The following NCALD variants were observed in gnomAD, a reference collection of about 807,000 sequenced individuals.
NCALD encodes neurocalcin-delta.
In NCALD, 10 loss-of-function variants were observed where a neutral mutation model predicts 18.6. The observed-to-expected ratio is 0.54, with a 90% CI of 0.33 to 0.91. The LOEUF (loss-of-function observed/expected upper bound fraction) is 0.91, where lower values mean the gene tolerates loss of function less well. Ranked by LOEUF, NCALD falls within the 40% of genes least tolerant of loss-of-function variation. The pLI, the probability that NCALD is intolerant of heterozygous loss-of-function variation, is 0.03. For missense variants in NCALD, 184 were observed against 247.6 expected, an observed-to-expected ratio of 0.74 and a Z score of 1.72; for synonymous variants, 88 against 87.4, an observed-to-expected ratio of 1.01 and a Z score of -0.04.
intron 4 of NCALD, among the ~76,000 whole-genome samples, chr8:101,856,916 T>C (rs1032735608): frequency 6.6e-6 from 1 of 152,146 alleles, no homozygotes; most frequent in Non-Finnish European, 1.5e-5. Context: ...TACAGCCTTA[T>C]CTACTTTGAC....
chr8:101,782,056 G>A (rs952530218), intron 1 of NCALD, among the ~76,000 whole-genome samples: 3 of 110,474 alleles, frequency 2.7e-5, no homozygotes, highest in Non-Finnish European at 6.3e-5. Flanking sequence ...GTGTCTCAGG[G>A]GTTTCAGTAT....
chr8:102,035,381 T>C (rs535227371), intron 1 of NCALD, among the ~76,000 whole-genome samples: 7 of 152,342 alleles, frequency 4.6e-5, no homozygotes, highest in African/African-American at 1.4e-4. Context: ...TAAATGTTTT[T>C]ATGTTATTTT....
At chr8:102,009,030 A>C (rs1051844092) in intron 2 of NCALD, among the ~76,000 whole-genome samples, 12 of 152,108 alleles carry the variant, frequency 7.9e-5, no homozygotes, top group Middle Eastern at 3.4e-3. Flanking sequence ...CTAATTCAAA[A>C]AATAAAAAAG....
At chr8:101,868,015 T>C (rs1390610169) in intron 4 of NCALD, among the ~76,000 whole-genome samples, 1 of 152,234 alleles carries the variant, frequency 6.6e-6, no homozygotes, top group African/African-American at 2.4e-5. Flanking sequence ...AATAGGTTTT[T>C]AGTTTTGCTA....
At chr8:101,876,931 G>C (rs960846398) in intron 4 of NCALD, among the ~76,000 whole-genome samples, 2 of 152,120 alleles carry the variant, frequency 1.3e-5, no homozygotes, top group Non-Finnish European at 2.9e-5. Context: ...AAGCAAAAGT[G>C]GTTATCTTTT....
chr8:101,781,700 A>G (rs981348169), intron 1 of NCALD, among the ~76,000 whole-genome samples: 3 of 152,192 alleles, frequency 2.0e-5, no homozygotes, highest in African/African-American at 7.2e-5. Context: ...GTGTGCTACT[A>G]GAGTGAAATT....
intron 1 of NCALD, among the ~76,000 whole-genome samples, chr8:102,030,857 CAG>C: frequency 1.3e-5 from 2 of 151,302 alleles, no homozygotes; most frequent in Non-Finnish European, 2.9e-5. Context: ...GCCTGGGCAA[CAG>C]AGTGAGACTC....
chr8:101,983,933 G>A (rs913132467), intron 2 of NCALD, among the ~76,000 whole-genome samples: 8 of 152,224 alleles, frequency 5.3e-5, no homozygotes, highest in African/African-American at 1.9e-4. Flanking sequence ...TGGCTTCCCA[G>A]GGTGCTTTCG....
At chr8:101,987,677 C>T (rs555729274) in intron 2 of NCALD, among the ~76,000 whole-genome samples, 1 of 152,250 alleles carries the variant, frequency 6.6e-6, no homozygotes, top group East Asian at 1.9e-4. Context: ...TACTGCACAT[C>T]CATTTTACTA....
intron 3 of NCALD, chr8:101,690,158 C>T (rs1814656109): frequency 5.8e-6 from 5 of 857,444 alleles, no homozygotes; most frequent in African/African-American, 2.3e-5. Context: ...GGAGCACGTA[C>T]AGAATTCTCT....
rs1319104809 is a variant in NCALD, at chr8:101,687,400, A to G, written c.*1909T>C. On this transcript the variant is annotated 3_prime_UTR_variant, in exon 4 of 4. Transcript: ENST00000220931. ...AGATTTTAACACTTGGCCATGGAGG[A>G]ATTTGGCAAGTTTTGGTACAGAACC... 1.3e-5 allele frequency: 2 copies of G among 152,590 alleles called. No individual in the cohort carries two copies. Among genetic ancestry groups the G allele is most frequent in the Non-Finnish European group, 2.9e-5 (2 of 68,032 alleles). The allele number at this position is 152,590 out of a possible 1,614,324, so 9.5% of individuals were successfully genotyped here.
intron 4 of NCALD, among the ~76,000 whole-genome samples, chr8:101,801,779 GC>G (rs1586539639): frequency 6.9e-6 from 1 of 144,874 alleles, no homozygotes; most frequent in African/African-American, 2.5e-5. Context: ...CCATTCTCCT[GC>G]CTCAGCCTCC....
chr8:101,879,560 G>C (rs770084034), intron 4 of NCALD, among the ~76,000 whole-genome samples: 3 of 152,144 alleles, frequency 2.0e-5, no homozygotes, highest in Non-Finnish European at 2.9e-5. Context: ...AACCACCACT[G>C]TGTGGTGGGA....
rs3028654 is a variant in NCALD, at chr8:101,741,959, GAA to G, written c.-19-22313_-19-22312del. Among the ~76,000 whole-genome samples the G allele has an allele frequency of 1.4e-3, 170 of 121,732 alleles. 2 individuals are homozygous for G. Among genetic ancestry groups the G allele is most frequent in the African/African-American group, 4.9e-3 (158 of 32,036 alleles). 79.9% of individuals were successfully genotyped at this position (121,732 alleles called of 152,430 possible). ...CTCAAAAAAAAAAAAAAAAAGAAAA[GAA>G]AAAAAAAAAGGGCCGGGTGCGGTGG... On this transcript the variant is annotated intron_variant, in intron 1 of 3. Coordinates refer to ENST00000220931, the MANE Select transcript of NCALD (RefSeq NM_032041.3).
chr8:102,092,226 C>T (rs1458193761), intron 1 of NCALD, among the ~76,000 whole-genome samples: 1 of 152,224 alleles, frequency 6.6e-6, no homozygotes, highest in East Asian at 1.9e-4. Context: ...ATGGCAACAT[C>T]AGGAACTTAC....
At position 101,826,871 on chromosome 8, in the gene NCALD, T is replaced by C. The variant is rs578145993; in HGVS notation, c.-20+60270A>G. On this transcript the variant is annotated intron_variant, in intron 4 of 6. Coordinates refer to the NCALD transcript ENST00000311028. Reference sequence around the variant, plus strand: ...TGTGCATAGAGTCACTGATGAAATATTCATAGACAAATCTAAAGACAATGT... The same window carrying C: ...TGTGCATAGAGTCACTGATGAAATACTCATAGACAAATCTAAAGACAATGT... Among the ~76,000 whole-genome samples, 7 of 151,768 alleles carry C rather than the reference T, an allele frequency of 4.6e-5. No homozygotes were observed. In the East Asian group the frequency reaches 1.4e-3, roughly 30 times the overall value.
chr8:101,858,685 A>G (rs922726489), intron 4 of NCALD, among the ~76,000 whole-genome samples: 4 of 152,178 alleles, frequency 2.6e-5, no homozygotes, highest in Non-Finnish European at 4.4e-5. Flanking sequence ...GCCCTAGGGA[A>G]AAGTCTACAG....
intron 1 of NCALD, among the ~76,000 whole-genome samples, chr8:102,050,796 T>A (rs1017893372): frequency 6.9e-6 from 1 of 145,292 alleles, no homozygotes; most frequent in African/African-American, 2.5e-5. Context: ...AACTAATTTT[T>A]AATTTAATTA....
At chr8:101,724,407 G>GA (rs1816487183) in intron 1 of NCALD, among the ~76,000 whole-genome samples, 1 of 152,176 alleles carries the variant, frequency 6.6e-6, no homozygotes, top group Non-Finnish European at 1.5e-5. Context: ...ATGAACACTG[G>GA]AAAAACACTA....
Sources: allele counts gnomAD v4.1 joint callset (sites outside exome capture counted in the v4.1 genomes callset), GRCh38; gene constraint gnomAD v4.1.1; transcripts MANE v1.5; gene names NCBI Gene and HGNC (gene_info 2026-07-23, HGNC 2026-07-21).